OSBP2: variants seen among roughly 807,000 people sequenced by gnomAD.
OSBP2 encodes oxysterol binding protein 2.
Under a neutral mutation model 96.0 loss-of-function variants are expected in OSBP2, and 66 were observed. The ratio of observed to expected loss-of-function variants is 0.69; its 90% CI spans 0.56 to 0.84. The LOEUF (loss-of-function observed/expected upper bound fraction) is 0.84, where lower values mean the gene tolerates loss of function less well. Ranked by LOEUF, OSBP2 falls within the 40% of genes least tolerant of loss-of-function variation. OSBP2 has a pLI of 0.00. For synonymous variants in OSBP2, 525 were observed against 520.9 expected, an observed-to-expected ratio of 1.01 and a Z score of -0.11; for missense variants, 1,038 against 1,222.7, an observed-to-expected ratio of 0.85 and a Z score of 2.25.
chr22:30,893,730 G>T lies in OSBP2; in HGVS notation c.2187G>T (p.Arg729=). 6.2e-7 allele frequency: 1 copy of T among 1,614,086 alleles called. No homozygotes were observed. The highest frequency in any genetic ancestry group is 8.5e-7 in the Non-Finnish European group (1 of 1,179,950). The change falls in exon 11 of 14, where the codon CGG becomes CGT. Residue 729 remains arginine (R), a synonymous_variant. Transcript: ENST00000332585. ...PYSYFSKEAA[R]KVTGVVSDSQ... is the part of the protein sequence containing the mutation. Reference sequence around the variant, plus strand: ...GCTACTTCTCCAAAGAGGCAGCCCGGAAGGTAAGCAGGACCAGCCACCTCT... The same window carrying T: ...GCTACTTCTCCAAAGAGGCAGCCCGTAAGGTAAGCAGGACCAGCCACCTCT...
At chr22:30,741,391 G>T in intron 2 of OSBP2, 22 bp downstream of exon 2, 1 of 1,580,024 alleles carries the variant, frequency 6.3e-7, no homozygotes. Context: ...TTGGGACAGC[G>T]GGTGTGTATA....
chr22:30,709,925 C>T (rs542581432), intron 1 of OSBP2, among the ~76,000 whole-genome samples: 10 of 151,854 alleles, frequency 6.6e-5, no homozygotes, highest in Non-Finnish European at 1.2e-4. Flanking sequence ...CTTTGTCACC[C>T]GGGCTGGAGT....
intron 1 of OSBP2, among the ~76,000 whole-genome samples, chr22:30,725,605 T>C (rs1266994956): frequency 1.3e-5 from 2 of 152,056 alleles, no homozygotes; most frequent in African/African-American, 4.8e-5. Flanking sequence ...TCACCAGTTC[T>C]ATGGACCAGG....
chr22:30,809,506 C>G (rs1218807412), intron 2 of OSBP2, among the ~76,000 whole-genome samples: 1 of 152,128 alleles, frequency 6.6e-6, no homozygotes, highest in African/African-American at 2.4e-5. Flanking sequence ...CACCAGGGAG[C>G]GAAAGCCAGG....
intron 2 of OSBP2, among the ~76,000 whole-genome samples, chr22:30,751,521 GT>G (rs1311706558): frequency 6.6e-6 from 1 of 151,816 alleles, no homozygotes; most frequent in African/African-American, 2.4e-5. Flanking sequence ...CGCCTGGCTA[GT>G]TTTTGTATTT....
intron 1 of OSBP2, among the ~76,000 whole-genome samples, chr22:30,733,564 A>G (rs1297658277): frequency 6.6e-6 from 1 of 152,206 alleles, no homozygotes; most frequent in Non-Finnish European, 1.5e-5. Context: ...GAGATGCAGT[A>G]CTACTCCCAA....
chr22:30,819,401 G>A (rs2091120724), intron 2 of OSBP2, among the ~76,000 whole-genome samples: 2 of 152,172 alleles, frequency 1.3e-5, no homozygotes, highest in African/African-American at 2.4e-5. Context: ...TCACGCATAC[G>A]GTTATATGAG....
chr22:30,742,640 A>G (rs1410179392), intron 2 of OSBP2, among the ~76,000 whole-genome samples: 1 of 152,082 alleles, frequency 6.6e-6, no homozygotes, highest in East Asian at 1.9e-4. Context: ...TGTCTTGGAA[A>G]TTTTCCCTGT....
intron 3 of OSBP2, among the ~76,000 whole-genome samples, chr22:30,876,791 T>C (rs926907391): frequency 2.0e-5 from 3 of 152,122 alleles, no homozygotes; most frequent in Non-Finnish European, 4.4e-5. Flanking sequence ...GGCTTACGCA[T>C]AGGGAGACCA....
chr22:30,843,050 CTGGG>C (rs2038787390), intron 2 of OSBP2, among the ~76,000 whole-genome samples: 1 of 152,180 alleles, frequency 6.6e-6, no homozygotes, highest in African/African-American at 2.4e-5. Flanking sequence ...TCCCAAAGTG[CTGGG>C]ATTACAGGTG....
chr22:30,883,226 C>G (rs1179856573), intron 3 of OSBP2, among the ~76,000 whole-genome samples: 2 of 152,236 alleles, frequency 1.3e-5, no homozygotes. Context: ...CAGCCCTGGC[C>G]TCTGCACCCC....
intron 2 of OSBP2, among the ~76,000 whole-genome samples, chr22:30,794,771 T>C: frequency 6.6e-6 from 1 of 150,476 alleles, no homozygotes; most frequent in Non-Finnish European, 1.5e-5. Flanking sequence ...CACTCCAGCC[T>C]GGGCAACACA....
intron 2 of OSBP2, among the ~76,000 whole-genome samples, chr22:30,862,131 G>A (rs1305913513): frequency 1.3e-5 from 2 of 152,190 alleles, no homozygotes; most frequent in African/African-American, 2.4e-5. Context: ...CGAAGACCTC[G>A]CAGACTCTCC....
At chr22:30,720,576 A>G (rs925069587) in intron 1 of OSBP2, among the ~76,000 whole-genome samples, 6 of 152,192 alleles carry the variant, frequency 3.9e-5, no homozygotes, top group Admixed American at 6.5e-5. Flanking sequence ...TCTTAGTTAC[A>G]CAGGTGATCT....
At chr22:30,892,355 G>A (rs1230843540) in intron 8 of OSBP2, among the ~76,000 whole-genome samples, 1 of 152,112 alleles carries the variant, frequency 6.6e-6, no homozygotes. Context: ...GGCATAGGAA[G>A]CAAGTGGGCA....
At chr22:30,779,542 C>T (rs900846759) in intron 2 of OSBP2, among the ~76,000 whole-genome samples, 1 of 152,010 alleles carries the variant, frequency 6.6e-6, no homozygotes, top group Non-Finnish European at 1.5e-5. Flanking sequence ...CAAATGCCTC[C>T]AGAGGGTGGT....
chr22:30,731,834 G>A (rs572013047), intron 1 of OSBP2, among the ~76,000 whole-genome samples: 3 of 152,308 alleles, frequency 2.0e-5, no homozygotes, highest in African/African-American at 4.8e-5. Flanking sequence ...ATCTGCTGCT[G>A]CTGTGGCCGG....
intron 2 of OSBP2, among the ~76,000 whole-genome samples, chr22:30,743,899 A>G (rs1248014872): frequency 1.3e-5 from 2 of 152,118 alleles, no homozygotes; most frequent in Non-Finnish European, 2.9e-5. Flanking sequence ...ACTGCTGCCC[A>G]GACTTCATCT....
At chr22:30,850,735 G>T (rs763023104) in intron 2 of OSBP2, among the ~76,000 whole-genome samples, 3 of 152,134 alleles carry the variant, frequency 2.0e-5, no homozygotes, top group Non-Finnish European at 4.4e-5. Flanking sequence ...CTGACCTCAA[G>T]TGATCCACCC....
Sources: gnomAD v4.1 joint callset for allele counts (sites outside exome capture counted in the v4.1 genomes callset) on GRCh38, gnomAD v4.1.1 for gene constraint, MANE v1.5 for transcripts, NCBI Gene and HGNC (gene_info 2026-07-23, HGNC 2026-07-21) for gene names.